ALX1: variants seen among roughly 807,000 people sequenced by gnomAD.
ALX1 encodes ALX homeobox protein 1.
ALX1 carries 19 observed loss-of-function variants against 31.7 expected under a neutral mutation model. The ratio of observed to expected loss-of-function variants is 0.60; its 90% confidence interval spans 0.42 to 0.88. The LOEUF (loss-of-function observed/expected upper bound fraction) is 0.88, where lower values mean the gene tolerates loss of function less well. ALX1 is among the 40% of genes least tolerant of loss of function. The probability of loss-of-function intolerance (pLI) is 0.00; values close to 1 mark genes in which losing one functional copy is unlikely to be tolerated. For missense variants in ALX1, 415 were observed against 407.8 expected (o/e 1.02, Z -0.15); for synonymous variants, 153 against 148.8 (o/e 1.03, Z -0.20).
At chr12:85,299,807 G>A (rs1021855485) in intron 3 of ALX1, among the ~76,000 whole-genome samples, 2 of 151,786 alleles carry the variant, frequency 1.3e-5, no homozygotes, top group Non-Finnish European at 2.9e-5. Context: ...CATGGGTATT[G>A]TAAGACTACA....
intron 3 of ALX1, among the ~76,000 whole-genome samples, chr12:85,296,920 AT>A (rs34528045): frequency 0.52 from 78,319 of 151,060 alleles, 24,261 homozygotes; most frequent in South Asian, 0.68. Flanking sequence ...GAAAATTAAT[AT>A]TTTTTTACTT....
chr12:85,294,456 T>A (rs555847070), intron 3 of ALX1, among the ~76,000 whole-genome samples: 1 of 151,208 alleles, frequency 6.6e-6, no homozygotes, highest in Non-Finnish European at 1.5e-5. Flanking sequence ...TTGAAAACTT[T>A]CATTTTAAAG....
intron 3 of ALX1, among the ~76,000 whole-genome samples, chr12:85,290,993 T>C (rs967651849): frequency 4.0e-5 from 6 of 151,214 alleles, no homozygotes; most frequent in Admixed American, 2.0e-4. Flanking sequence ...GCAAATTATA[T>C]AGACATTGGA....
intron 3 of ALX1, among the ~76,000 whole-genome samples, chr12:85,289,488 A>T (rs918677748): frequency 6.6e-6 from 1 of 151,270 alleles, no homozygotes; most frequent in Non-Finnish European, 1.5e-5. Context: ...AAATTAATTT[A>T]AAAAATTTCC....
intron 3 of ALX1, among the ~76,000 whole-genome samples, chr12:85,289,867 T>A (rs1321604306): frequency 1.3e-5 from 2 of 151,228 alleles, no homozygotes; most frequent in Non-Finnish European, 3.0e-5. Context: ...ATGTTTTTTT[T>A]ATCATGGGGC....
chr12:85,293,558 G>A (rs886110066), intron 3 of ALX1, among the ~76,000 whole-genome samples: 13 of 150,394 alleles, frequency 8.6e-5, no homozygotes, highest in Non-Finnish European at 1.9e-4. Flanking sequence ...AAAATAATTA[G>A]GCCTGTTCTT....
intron 3 of ALX1, among the ~76,000 whole-genome samples, chr12:85,299,751 T>C (rs2137394926): frequency 6.6e-6 from 1 of 151,990 alleles, no homozygotes; most frequent in African/African-American, 2.4e-5. Context: ...TAACATATTT[T>C]TTGCTCTTAT....
intron 3 of ALX1, among the ~76,000 whole-genome samples, chr12:85,298,025 G>T (rs1245934795): frequency 6.6e-6 from 1 of 151,700 alleles, no homozygotes; most frequent in Non-Finnish European, 1.5e-5. Context: ...GACTTACCTT[G>T]TACCACATTA....
chr12:85,297,816 C>T (rs936149382), intron 3 of ALX1, among the ~76,000 whole-genome samples: 3 of 151,536 alleles, frequency 2.0e-5, no homozygotes, highest in Non-Finnish European at 4.4e-5. Flanking sequence ...TAAAGAACTT[C>T]CCAGGTAAAT....
rs1019543372 is a variant in ALX1, at chr12:85,283,103, T to G, written c.227-469T>G. On this transcript the variant is annotated intron_variant, in intron 1 of 3. Coordinates refer to ENST00000316824, the MANE Select transcript of ALX1 (RefSeq NM_006982.3). ...TCAGTACGTTTTACGTGGAGGAGGA[T>G]AATAACTTTCAGATATTAGTACAGA... 2.0e-5 allele frequency among the ~76,000 whole-genome samples: 3 copies of G among 152,334 alleles called. No individual in the cohort carries two copies. In the East Asian group the frequency reaches 5.8e-4, roughly 29 times the overall value.
At chr12:85,295,927 T>C (rs1896881947) in intron 3 of ALX1, among the ~76,000 whole-genome samples, 1 of 151,472 alleles carries the variant, frequency 6.6e-6, no homozygotes, top group Non-Finnish European at 1.5e-5. Flanking sequence ...GTTTAGTATT[T>C]CTATGAAATT....
chr12:85,297,585 C>T (rs1896906834), intron 3 of ALX1, among the ~76,000 whole-genome samples: 1 of 151,502 alleles, frequency 6.6e-6, no homozygotes, highest in Admixed American at 6.6e-5. Flanking sequence ...AACAGGTGAG[C>T]TTCTTATCAC....
chr12:85,291,689 A>G (rs1302855485), intron 3 of ALX1, among the ~76,000 whole-genome samples: 1 of 151,054 alleles, frequency 6.6e-6, no homozygotes, highest in African/African-American at 2.4e-5. Context: ...TATTTGTAAA[A>G]TGGAAGTATT....
intron 2 of ALX1, among the ~76,000 whole-genome samples, chr12:85,285,975 C>A (rs943018626): frequency 6.6e-6 from 1 of 151,840 alleles, no homozygotes; most frequent in Non-Finnish European, 1.5e-5. Flanking sequence ...ATAAATACTT[C>A]TAATAGGTAA....
At chr12:85,283,547 G>A in intron 1 of ALX1, 25 bp from the exon 2 acceptor site, 1 of 1,612,516 alleles carries the variant, frequency 6.2e-7, no homozygotes, top group South Asian at 1.1e-5. Flanking sequence ...CCTGAGAACT[G>A]TTGTTTTTCC....
At chr12:85,296,588 A>G (rs1032570518) in intron 3 of ALX1, among the ~76,000 whole-genome samples, 2 of 151,628 alleles carry the variant, frequency 1.3e-5, no homozygotes, top group African/African-American at 4.8e-5. Context: ...CCCTGGACAG[A>G]GTTCCCTGGA....
chr12:85,290,484 T>G (rs1168600046), intron 3 of ALX1, among the ~76,000 whole-genome samples: 1 of 151,252 alleles, frequency 6.6e-6, no homozygotes, highest in African/African-American at 2.4e-5. Context: ...TATAAACATT[T>G]AAAAAGCCTA....
At chr12:85,286,500 T>C (rs548706666) in intron 2 of ALX1, among the ~76,000 whole-genome samples, 1 of 152,084 alleles carries the variant, frequency 6.6e-6, no homozygotes, top group South Asian at 2.1e-4. Flanking sequence ...CAGCATTCTC[T>C]TAAAGGAGAC....
intron 3 of ALX1, among the ~76,000 whole-genome samples, chr12:85,298,299 G>A (rs1038198664): frequency 6.6e-6 from 1 of 151,666 alleles, no homozygotes; most frequent in South Asian, 2.1e-4. Flanking sequence ...AGAACACGCT[G>A]TTTAGTGTAC....
Sources: allele counts gnomAD v4.1 joint callset (sites outside exome capture counted in the v4.1 genomes callset), GRCh38; gene constraint gnomAD v4.1.1; transcripts MANE v1.5; gene names NCBI Gene and HGNC (gene_info 2026-07-23, HGNC 2026-07-21).